Variants in IFT43 observed in about 807,000 individuals in gnomAD.
The protein encoded by IFT43 is intraflagellar transport protein 43 homolog.
Under a neutral mutation model 32.3 loss-of-function variants are expected in IFT43, and 33 were observed. The observed-to-expected ratio is 1.02, with a 90% CI of 0.77 to 1.37. The LOEUF is 1.37. Among genes scored for constraint, IFT43 ranks in the 40% most tolerant of loss-of-function variants. The pLI is 0.00. For synonymous variants in IFT43, 93 were observed against 98.2 expected (o/e 0.95, Z 0.31); for missense variants, 274 against 265.9 (o/e 1.03, Z -0.21).
At chr14:76,027,365 A>G (rs55640720) in intron 3 of IFT43, among the ~76,000 whole-genome samples, 47,872 of 142,606 alleles carry the variant, frequency 0.34, 7,909 homozygotes, top group African/African-American at 0.4. Flanking sequence ...CCCAAACCTG[A>G]AAATAAGTTG....
chr14:76,031,094 G>C (rs566877594), intron 3 of IFT43, among the ~76,000 whole-genome samples: 1 of 147,996 alleles, frequency 6.8e-6, no homozygotes, highest in Non-Finnish European at 1.5e-5. Flanking sequence ...AATTATATAT[G>C]TATATATAAG....
intron 2 of IFT43, among the ~76,000 whole-genome samples, chr14:75,991,003 C>T (rs569167728): frequency 6.6e-6 from 1 of 152,304 alleles, no homozygotes; most frequent in Admixed American, 6.5e-5. Context: ...AAGTTACATT[C>T]TCGTGATCAC....
At chr14:75,998,004 A>G (rs1443599169) in intron 2 of IFT43, among the ~76,000 whole-genome samples, 1 of 152,232 alleles carries the variant, frequency 6.6e-6, no homozygotes, top group Non-Finnish European at 1.5e-5. Flanking sequence ...GTCCTGTGTC[A>G]TCTGGGTCTT....
At chr14:76,019,711 G>C (rs906532225) in intron 2 of IFT43, among the ~76,000 whole-genome samples, 7 of 151,824 alleles carry the variant, frequency 4.6e-5, no homozygotes, top group African/African-American at 1.5e-4. Flanking sequence ...TTTAATACTT[G>C]TTTTCTTTAT....
chr14:76,070,088 A>G (rs539249845), intron 5 of IFT43, among the ~76,000 whole-genome samples: 32 of 152,338 alleles, frequency 2.1e-4, no homozygotes, highest in African/African-American at 7.5e-4. Context: ...TTTAAGGGTA[A>G]TTGCTCAATT....
chr14:76,052,650 G>A (rs931672334), intron 3 of IFT43, among the ~76,000 whole-genome samples: 43 of 152,270 alleles, frequency 2.8e-4, no homozygotes, highest in African/African-American at 8.4e-4. Context: ...AAATCACACC[G>A]TCAAATGTCA....
rs76742625 is a variant in IFT43, at chr14:76,064,476, C to T, written c.295+5103C>T. The stretch of plus-strand genomic sequence containing the variant: ...GCCAGACGTGAGCAAAGTGGGTAGG[C>T]GGTTAAGGAGCAGTGTGCATGGAAA... On this transcript the variant is annotated intron_variant, in intron 5 of 8. Transcript: ENST00000314067. Among the ~76,000 whole-genome samples the T allele has an allele frequency of 5.1e-3, 774 of 152,228 alleles. 2 individuals are homozygous for T. Among genetic ancestry groups the T allele is most frequent in the Non-Finnish European group, 8.7e-3 (593 of 68,020 alleles).
intron 1 of IFT43, among the ~76,000 whole-genome samples, chr14:75,988,085 C>T (rs57556043): frequency 6.6e-6 from 1 of 152,224 alleles, no homozygotes; most frequent in Non-Finnish European, 1.5e-5. Context: ...CATGAGGTAT[C>T]TGCCCATTCT....
intron 3 of IFT43, among the ~76,000 whole-genome samples, chr14:76,045,213 A>C (rs2036783533): frequency 6.6e-6 from 1 of 152,168 alleles, no homozygotes; most frequent in African/African-American, 2.4e-5. Context: ...GGCTAGACAA[A>C]GTTGTGGAGA....
At chr14:76,030,072 G>A (rs2036480211) in intron 3 of IFT43, among the ~76,000 whole-genome samples, 1 of 151,652 alleles carries the variant, frequency 6.6e-6, no homozygotes, top group Non-Finnish European at 1.5e-5. Context: ...TATTTTTGTA[G>A]AGCTGTGGTC....
At chr14:76,048,171 C>G (rs2036845494) in intron 3 of IFT43, among the ~76,000 whole-genome samples, 2 of 152,184 alleles carry the variant, frequency 1.3e-5, no homozygotes, top group Non-Finnish European at 2.9e-5. Context: ...ATCTCAAGTT[C>G]ACAAAAAGGC....
At chr14:76,064,079 C>CAT (rs1555367617) in intron 5 of IFT43, among the ~76,000 whole-genome samples, 3 of 152,166 alleles carry the variant, frequency 2.0e-5, no homozygotes, top group Non-Finnish European at 4.4e-5. Context: ...ACTCCACACT[C>CAT]TAAGATTTAG....
At chr14:76,068,303 G>T (rs2037261718) in intron 5 of IFT43, among the ~76,000 whole-genome samples, 1 of 152,218 alleles carries the variant, frequency 6.6e-6, no homozygotes, top group Non-Finnish European at 1.5e-5. Context: ...CATGGAGAAT[G>T]AATAAGGAAT....
intron 5 of IFT43, among the ~76,000 whole-genome samples, chr14:76,063,958 T>G (rs183124950): frequency 3.5e-4 from 53 of 152,284 alleles, no homozygotes; most frequent in African/African-American, 1.3e-3. Flanking sequence ...CTGTAGGAAC[T>G]GAGGACCAGC....
chr14:76,022,391 C>T lies in IFT43; in HGVS notation c.212C>T (p.Ser71Leu), dbSNP rs765871864. ...TGGGCAGGTGATTCCGTGAAGGCTT[C>T]GAAGTGAGTACCAGCAGCTCATAAG... ...GGWAGDSVKA[S>L]KFRRKASEEI... Residue 71 changes from serine (S) to leucine (L), a missense_variant, in exon 3 of 9, where the codon TCG becomes TTG. By Grantham distance (145) the Ser-to-Leu change is moderately radical. Transcript: ENST00000314067. The T allele has an allele frequency of 6.3e-6, 10 of 1,594,238 alleles. No homozygotes were observed. The highest frequency in any genetic ancestry group is 5.0e-5 in the Admixed American group (3 of 59,928).
At chr14:76,071,915 C>G (rs1163773425) in intron 5 of IFT43, among the ~76,000 whole-genome samples, 3 of 151,942 alleles carry the variant, frequency 2.0e-5, no homozygotes, top group South Asian at 2.1e-4. Flanking sequence ...CTCCTAACCC[C>G]CCCTGCTCAC....
At chr14:75,999,250 TATATATATATATATATATATATGTATA>T (rs1339497153) in intron 2 of IFT43, among the ~76,000 whole-genome samples, 21 of 7,974 alleles carry the variant, frequency 2.6e-3, no homozygotes, top group African/African-American at 9.0e-3. Context: ...TATATATATA[TATATATATATATATATATATATGTATA>T]TATATTTTTT....
chr14:76,076,556 T>A, intron 5 of IFT43: 1 of 1,612,772 alleles, frequency 6.2e-7, no homozygotes, highest in Non-Finnish European at 8.5e-7. Context: ...GTATACTCAT[T>A]GCAAGCTGAG....
At chr14:76,075,962 C>G (rs373114928) in intron 5 of IFT43, among the ~76,000 whole-genome samples, 1 of 152,342 alleles carries the variant, frequency 6.6e-6, no homozygotes, top group East Asian at 1.9e-4. Flanking sequence ...CTCTGAATGT[C>G]TGTTGACTTT....
Sources: gnomAD v4.1 joint callset for allele counts (sites outside exome capture counted in the v4.1 genomes callset) on GRCh38, gnomAD v4.1.1 for gene constraint, MANE v1.5 for transcripts, NCBI Gene and HGNC (gene_info 2026-07-23, HGNC 2026-07-21) for gene names.